ZNF519: variants seen among roughly 807,000 people sequenced by gnomAD.
ZNF519 encodes the protein similar to Zinc finger protein 85 (Zinc finger protein HPF4) (HTF1).
In ZNF519, 7 loss-of-function variants were observed where a neutral mutation model predicts 7.4. The observed-to-expected ratio is 0.94, with a 90% CI of 0.54 to 1.77. ZNF519 has a LOEUF of 1.77. ZNF519 is among the 40% of genes most tolerant of loss of function. The pLI is 0.00. For synonymous variants in ZNF519, 179 were observed against 203.3 expected (o/e 0.88, Z 1.02); for missense variants, 586 against 623.1 (o/e 0.94, Z 0.63).
rs2046152877 is a variant in ZNF519, at chr18:14,100,051, A to G, written c.*4866T>C. ...AAATACAATTAGAAAACATGCAGAC[A>G]TGAATAAACATTTCATCAGAGATAA... On this transcript the variant is annotated 3_prime_UTR_variant, in exon 3 of 3. Transcript: ENST00000590202. The G allele has an allele frequency of 6.6e-6, 1 of 152,230 alleles. No individual in the cohort carries two copies. The highest frequency in any genetic ancestry group is 2.4e-5 in the African/African-American group (1 of 41,462). The allele number at this position is 152,230 out of a possible 1,614,324, so 9.4% of individuals were successfully genotyped here.
chr18:14,073,217 A>C (rs961149740), downstream of ZNF519: 2 of 151,868 alleles, frequency 1.3e-5, no homozygotes, highest in Admixed American at 6.6e-5. Context: ...ATTGAAGAAA[A>C]GTTTGCATGG....
At chr18:14,129,609 G>A (rs1377735298) in intron 1 of ZNF519, among the ~76,000 whole-genome samples, 1 of 152,074 alleles carries the variant, frequency 6.6e-6, no homozygotes, top group Admixed American at 6.5e-5. Flanking sequence ...TCTTTCTTCT[G>A]ACACAAAACG....
chr18:14,130,519 G>A (rs2046323942), intron 1 of ZNF519, among the ~76,000 whole-genome samples: 1 of 152,122 alleles, frequency 6.6e-6, no homozygotes, highest in Non-Finnish European at 1.5e-5. Flanking sequence ...GAGTGGCAGT[G>A]CTTTCTGGAA....
At position 14,124,343 on chromosome 18, in the gene ZNF519, T is replaced by G. The variant is rs776196163; in HGVS notation, c.130+7A>C. ...AATTAGGAATTATGTATTGAAGTTA[T>G]TCTCACCCAGGGAGACGAGGTTTCT... is the stretch of plus-strand genomic sequence containing the variant. On this transcript the variant is annotated splice_region_variant and intron_variant, in intron 2 of 2. Coordinates refer to ENST00000590202, the MANE Select transcript of ZNF519 (RefSeq NM_145287.4). The G allele has an allele frequency of 6.3e-7, 1 of 1,594,598 alleles. No homozygotes were observed. The highest frequency in any genetic ancestry group is 1.4e-5 in the African/African-American group (1 of 73,438).
chr18:14,111,465 C>T (rs1440144891), intron 2 of ZNF519, among the ~76,000 whole-genome samples: 1 of 147,756 alleles, frequency 6.8e-6, no homozygotes, highest in East Asian at 2.0e-4. Flanking sequence ...CAAGATCAAG[C>T]CACTGCACCC....
chr18:14,090,008 C>G (rs1230062480), intron 2 of ZNF519: 1 of 152,280 alleles, frequency 6.6e-6, no homozygotes, highest in Non-Finnish European at 1.5e-5. Context: ...CCTGGGCTGA[C>G]CCCTTGGGAA....
chr18:14,077,504 C>T (rs1359874647), exon 5 of ZNF519: 1 of 152,162 alleles, frequency 6.6e-6, no homozygotes, highest in East Asian at 1.9e-4. Flanking sequence ...CATCTCCCCT[C>T]GAAACTGCAA....
At chr18:14,089,057 GA>G (rs1163349407) in intron 2 of ZNF519, among the ~76,000 whole-genome samples, 1 of 151,682 alleles carries the variant, frequency 6.6e-6, no homozygotes, top group Non-Finnish European at 1.5e-5. Context: ...TAATTTTTAC[GA>G]ACATGAAAGA....
chr18:14,107,327 G>A (rs772935532), intron 2 of ZNF519, among the ~76,000 whole-genome samples: 11 of 152,160 alleles, frequency 7.2e-5, no homozygotes, highest in Non-Finnish European at 1.3e-4. Context: ...CTAGGTACAT[G>A]CTGGGCCAGA....
downstream of ZNF519, chr18:14,073,715 T>C (rs1328742104): frequency 6.6e-6 from 1 of 152,226 alleles, no homozygotes; most frequent in Non-Finnish European, 1.5e-5. Flanking sequence ...TGATGTATAA[T>C]ATACTTAAAT....
chr18:14,073,815 C>T (rs117840309), downstream of ZNF519: 1 of 152,262 alleles, frequency 6.6e-6, no homozygotes, highest in Non-Finnish European at 1.5e-5. Flanking sequence ...AAGAAAGTGT[C>T]ATGAGTATTC....
chr18:14,128,025 T>C (rs755667081), intron 1 of ZNF519, among the ~76,000 whole-genome samples: 23 of 151,808 alleles, frequency 1.5e-4, no homozygotes, highest in Non-Finnish European at 2.4e-4. Flanking sequence ...CGCGGTGGCT[T>C]ACGCCTGTAA....
chr18:14,087,798 G>T (rs2143091170), intron 2 of ZNF519, among the ~76,000 whole-genome samples: 1 of 152,158 alleles, frequency 6.6e-6, no homozygotes, highest in East Asian at 1.9e-4. Context: ...TATCATATAG[G>T]TCAACAATAC....
At chr18:14,087,091 A>G (rs544479204) in intron 2 of ZNF519, among the ~76,000 whole-genome samples, 1 of 152,350 alleles carries the variant, frequency 6.6e-6, no homozygotes, top group South Asian at 2.1e-4. Context: ...AACATATGCA[A>G]ATCAATAAAG....
At chr18:14,109,012 C>G (rs1299849954) in intron 2 of ZNF519, among the ~76,000 whole-genome samples, 1 of 151,816 alleles carries the variant, frequency 6.6e-6, no homozygotes, top group African/African-American at 2.4e-5. Context: ...GAGGCTGAGA[C>G]AGGAGAATCA....
chr18:14,086,880 T>A (rs983769256), intron 2 of ZNF519, among the ~76,000 whole-genome samples: 108 of 152,018 alleles, frequency 7.1e-4, no homozygotes, highest in African/African-American at 2.5e-3. Context: ...AAAGAATCAA[T>A]GAGCTCAAAG....
chr18:14,087,643 G>A (rs1247842204), intron 2 of ZNF519, among the ~76,000 whole-genome samples: 1 of 152,118 alleles, frequency 6.6e-6, no homozygotes, highest in Non-Finnish European at 1.5e-5. Flanking sequence ...AGAAAGGGAT[G>A]GGTCATTTGT....
intron 2 of ZNF519, chr18:14,090,033 C>T (rs1368944729): frequency 2.0e-5 from 3 of 152,306 alleles, no homozygotes; most frequent in African/African-American, 7.2e-5. Context: ...GACGAGGTGA[C>T]TGTGGAGATG....
intron 1 of ZNF519, among the ~76,000 whole-genome samples, chr18:14,125,932 C>T (rs1444928385): frequency 2.6e-5 from 4 of 152,142 alleles, no homozygotes; most frequent in African/African-American, 9.7e-5. Flanking sequence ...GTGATCTGCC[C>T]GCCTTGGCCT....
Sources: gnomAD v4.1 joint callset for allele counts (sites outside exome capture counted in the v4.1 genomes callset) on GRCh38, gnomAD v4.1.1 for gene constraint, MANE v1.5 for transcripts, NCBI Gene and HGNC (gene_info 2026-07-23, HGNC 2026-07-21) for gene names.